TMEM163: variants seen among roughly 807,000 people sequenced by gnomAD.
The protein encoded by TMEM163 is transmembrane protein 163.
In TMEM163, 17 loss-of-function variants were observed where a neutral mutation model predicts 29.3. The observed-to-expected ratio is 0.58, with a 90% confidence interval of 0.40 to 0.87. The LOEUF (loss-of-function observed/expected upper bound fraction) is 0.87. TMEM163 is among the 40% of genes least tolerant of loss of function. TMEM163 has a pLI of 0.00. For missense variants in TMEM163, 303 were observed against 381.5 expected (o/e 0.79, Z 1.71); for synonymous variants, 157 against 160.6 (o/e 0.98, Z 0.17).
At chr2:134,709,473 A>AT (rs1207272776) in intron 2 of TMEM163, among the ~76,000 whole-genome samples, 2 of 152,226 alleles carry the variant, frequency 1.3e-5, no homozygotes, top group African/African-American at 4.8e-5. Context: ...GCCAACCATA[A>AT]TTACATATGT....
intron 4 of TMEM163, among the ~76,000 whole-genome samples, chr2:134,518,555 G>T (rs568203541): frequency 6.6e-6 from 1 of 152,282 alleles, no homozygotes; most frequent in South Asian, 2.1e-4. Context: ...TAGGGAGGAT[G>T]GTCCTTTAAC....
intron 2 of TMEM163, among the ~76,000 whole-genome samples, chr2:134,620,557 A>C (rs1042471387): frequency 6.6e-6 from 1 of 152,134 alleles, no homozygotes; most frequent in African/African-American, 2.4e-5. Flanking sequence ...ACACCCGGCT[A>C]CACTACCTAA....
At chr2:134,635,059 G>T (rs540053154) in intron 2 of TMEM163, among the ~76,000 whole-genome samples, 7 of 152,238 alleles carry the variant, frequency 4.6e-5, no homozygotes, top group African/African-American at 1.7e-4. Flanking sequence ...GATGGAGAAG[G>T]GGACAGGAGG....
chr2:134,556,898 A>G (rs968766058), intron 2 of TMEM163, among the ~76,000 whole-genome samples: 7 of 152,238 alleles, frequency 4.6e-5, no homozygotes, highest in African/African-American at 1.4e-4. Flanking sequence ...TTGATAATAA[A>G]CAGATAGGTT....
chr2:134,587,851 G>A (rs1681855869), intron 2 of TMEM163, among the ~76,000 whole-genome samples: 1 of 152,210 alleles, frequency 6.6e-6, no homozygotes, highest in South Asian at 2.1e-4. Context: ...TCCAATTACT[G>A]CAGAGTGTTT....
chr2:134,508,639 C>T (rs559634668), intron 4 of TMEM163, among the ~76,000 whole-genome samples: 3 of 152,176 alleles, frequency 2.0e-5, no homozygotes, highest in Admixed American at 1.3e-4. Flanking sequence ...CTGGTTAAGA[C>T]TCCACCCCTC....
At chr2:134,677,181 G>C (rs1208408095) in intron 2 of TMEM163, among the ~76,000 whole-genome samples, 1 of 152,202 alleles carries the variant, frequency 6.6e-6, no homozygotes, top group Non-Finnish European at 1.5e-5. Context: ...GGCGTGCAGA[G>C]AATTATGGCT....
chr2:134,599,176 G>A (rs983520735), intron 2 of TMEM163, among the ~76,000 whole-genome samples: 5 of 152,178 alleles, frequency 3.3e-5, no homozygotes, highest in African/African-American at 1.2e-4. Flanking sequence ...ACTGGAATTG[G>A]AGGCTACACA....
chr2:134,701,482 A>G (rs1684702916), intron 2 of TMEM163, among the ~76,000 whole-genome samples: 1 of 152,258 alleles, frequency 6.6e-6, no homozygotes, highest in South Asian at 2.1e-4. Flanking sequence ...AGCTCTGCCC[A>G]GAAGGGCAAT....
At chr2:134,547,283 G>A (rs1395383904) in intron 4 of TMEM163, among the ~76,000 whole-genome samples, 3 of 152,148 alleles carry the variant, frequency 2.0e-5, no homozygotes, top group African/African-American at 7.2e-5. Context: ...CTCTGGTGGT[G>A]CTGAAACCAA....
intron 7 of TMEM163, among the ~76,000 whole-genome samples, chr2:134,457,630 T>G (rs1686429088): frequency 6.6e-6 from 1 of 152,238 alleles, no homozygotes; most frequent in African/African-American, 2.4e-5. Context: ...ATGCGGCCTC[T>G]GGCCAGCACA....
chr2:134,547,261 G>C (rs1042023598), intron 4 of TMEM163, among the ~76,000 whole-genome samples: 1 of 152,118 alleles, frequency 6.6e-6, no homozygotes, highest in Non-Finnish European at 1.5e-5. Flanking sequence ...AAAACTATCA[G>C]GGCTAGGTAC....
chr2:134,645,983 T>A (rs1277861348), intron 2 of TMEM163, among the ~76,000 whole-genome samples: 2 of 152,318 alleles, frequency 1.3e-5, no homozygotes, highest in East Asian at 3.9e-4. Context: ...TTTTTAAAGA[T>A]AAACTTTACT....
At chr2:134,703,643 A>G (rs1029266236) in intron 2 of TMEM163, among the ~76,000 whole-genome samples, 5 of 152,036 alleles carry the variant, frequency 3.3e-5, no homozygotes, top group African/African-American at 1.2e-4. Flanking sequence ...CCATTTGGGG[A>G]AGTTAACAAA....
rs749614033 is a variant in TMEM163 at position 134,550,602 on chromosome 2, C to T, written c.426G>A (p.Ala142=). ...SAIVLWRYSN[A]AAVHSAHREY... Reference sequence around the variant, plus strand: ...CCCTATGGGCAGAGTGCACAGCGGCCGCGTTGCTGTAACGCCACAGGACAA... The same window carrying T: ...CCCTATGGGCAGAGTGCACAGCGGCTGCGTTGCTGTAACGCCACAGGACAA... Residue 142 remains alanine, a synonymous_variant, in exon 4 of 8, where the codon GCG becomes GCA. Coordinates refer to ENST00000281924, the MANE Select transcript of TMEM163 (RefSeq NM_030923.5). 11 of 1,614,034 alleles carry T rather than the reference C, an allele frequency of 6.8e-6. No individual in the cohort carries two copies. The highest frequency in any genetic ancestry group is 1.7e-5 in the Admixed American group (1 of 60,010).
chr2:134,500,681 G>A (rs1305851091), intron 5 of TMEM163, among the ~76,000 whole-genome samples: 2 of 152,050 alleles, frequency 1.3e-5, no homozygotes, highest in African/African-American at 4.8e-5. Context: ...GCTACAACAC[G>A]GATGGAACTG....
At position 134,516,677 on chromosome 2, in the gene TMEM163, ACATATATGCATATATATG is replaced by A. The variant is rs1417564292; in HGVS notation, c.459-13698_459-13681del. Among the ~76,000 whole-genome samples, 147 of 137,796 alleles carry A rather than the reference ACATATATGCATATATATG, an allele frequency of 1.1e-3. 2 individuals carry two copies. Among genetic ancestry groups the A allele is most frequent in the African/African-American group, 3.6e-3 (141 of 38,712 alleles). The allele number at this position is 137,796 out of a possible 152,430, so 90.4% of individuals were successfully genotyped here. On this transcript the variant is annotated intron_variant, in intron 4 of 7. Transcript: ENST00000281924. The stretch of plus-strand genomic sequence containing the variant: ...TACATATATTCATACATATAGTCAT[ACATATATGCATATATATG>A]CATATATTCATATATACATATATAT...
At chr2:134,676,697 C>T (rs1381102001) in intron 2 of TMEM163, among the ~76,000 whole-genome samples, 4 of 152,168 alleles carry the variant, frequency 2.6e-5, no homozygotes, top group Admixed American at 6.5e-5. Flanking sequence ...CAGTCCTAGG[C>T]GATCATTAGT....
At chr2:134,484,404 C>T (rs1347061682) in intron 5 of TMEM163, among the ~76,000 whole-genome samples, 1 of 152,054 alleles carries the variant, frequency 6.6e-6, no homozygotes, top group Non-Finnish European at 1.5e-5. Context: ...ACAAGCTGAG[C>T]ATGGTGGCTT....
Sources: gnomAD v4.1 joint callset for allele counts (sites outside exome capture counted in the v4.1 genomes callset) on GRCh38, gnomAD v4.1.1 for gene constraint, MANE v1.5 for transcripts, NCBI Gene and HGNC (gene_info 2026-07-23, HGNC 2026-07-21) for gene names.